The following SYCP1 variants were observed in gnomAD, a reference collection of about 807,000 sequenced individuals.
The protein encoded by SYCP1 is synaptonemal complex protein 1.
SYCP1 carries 64 observed loss-of-function variants against 153.1 expected under a neutral mutation model. The observed-to-expected ratio is 0.42, with a 90% CI of 0.34 to 0.51. The LOEUF (loss-of-function observed/expected upper bound fraction) is 0.51, where lower values mean the gene tolerates loss of function less well. Among genes scored for constraint, SYCP1 ranks in the 20% least tolerant of loss-of-function variants. SYCP1 has a pLI of 0.06. For synonymous variants in SYCP1, 384 were observed against 341.8 expected, an observed-to-expected ratio of 1.12 and a Z score of -1.36; for missense variants, 997 against 1,049.0, an observed-to-expected ratio of 0.95 and a Z score of 0.68.
At chr1:114,869,175 C>T (rs955403643) in intron 8 of SYCP1, among the ~76,000 whole-genome samples, 1 of 152,098 alleles carries the variant, frequency 6.6e-6, no homozygotes, top group Non-Finnish European at 1.5e-5. Flanking sequence ...GCATTCAATG[C>T]TATAAATTTC....
At chr1:114,908,264 G>A (rs1265854334) in intron 16 of SYCP1, among the ~76,000 whole-genome samples, 1 of 148,466 alleles carries the variant, frequency 6.7e-6, no homozygotes, top group Non-Finnish European at 1.5e-5. Flanking sequence ...TATTGTCTTT[G>A]ATCCTCCATG....
chr1:114,924,553 T>G (rs1159821277), intron 21 of SYCP1, among the ~76,000 whole-genome samples: 1 of 152,172 alleles, frequency 6.6e-6, no homozygotes, highest in Non-Finnish European at 1.5e-5. Flanking sequence ...AGCCTTAGAT[T>G]AATAGGGATT....
chr1:114,932,880 G>C (rs1669733034), intron 23 of SYCP1, among the ~76,000 whole-genome samples: 1 of 152,204 alleles, frequency 6.6e-6, no homozygotes, highest in South Asian at 2.1e-4. Flanking sequence ...GTTGAGGCTT[G>C]AGTGGGTAAA....
intron 23 of SYCP1, among the ~76,000 whole-genome samples, chr1:114,931,433 T>C (rs528126484): frequency 6.6e-6 from 1 of 152,244 alleles, no homozygotes; most frequent in South Asian, 2.1e-4. Context: ...TATTTCTATA[T>C]GCTAACAGCT....
chr1:114,925,560 A>G (rs1208892541), intron 21 of SYCP1, among the ~76,000 whole-genome samples: 1 of 152,056 alleles, frequency 6.6e-6, no homozygotes, highest in East Asian at 1.9e-4. Flanking sequence ...TTCTTCCCCC[A>G]ATCTGCTACC....
chr1:114,867,595 G>C (rs1664849671), intron 8 of SYCP1, among the ~76,000 whole-genome samples: 1 of 151,996 alleles, frequency 6.6e-6, no homozygotes, highest in Admixed American at 6.6e-5. Context: ...CGTTTGTATA[G>C]TATATTAATC....
At chr1:114,877,103 G>C (rs1665595874) in intron 11 of SYCP1, among the ~76,000 whole-genome samples, 1 of 152,024 alleles carries the variant, frequency 6.6e-6, no homozygotes, top group African/African-American at 2.4e-5. Context: ...CTTTTGTTCA[G>C]ACAAAAACTT....
Position 114,926,663 on chromosome 1 carries a change from C to T in SYCP1, c.1926+100C>T. On this transcript the variant is annotated intron_variant, in intron 23 of 31. Coordinates refer to ENST00000369522, the MANE Select transcript of SYCP1 (RefSeq NM_003176.4). ...TTATACAGTATAAATTCAATTTATA[C>T]CATAACAGTATCAATTGAAAAGTTG... The T allele has an allele frequency of 5.0e-6, 5 of 990,200 alleles. No individual in the cohort carries two copies. The South Asian group carries it at 9.7e-5, about 19-fold the overall frequency. 61.3% of individuals were successfully genotyped at this position (990,200 alleles called of 1,614,324 possible).
At chr1:114,869,594 A>T (rs1664979037) in intron 8 of SYCP1, among the ~76,000 whole-genome samples, 1 of 152,208 alleles carries the variant, frequency 6.6e-6, no homozygotes. Context: ...TAATCCAAAA[A>T]TCCCAAATCT....
In SYCP1 at chr1:114,907,639, T is replaced by A. The variant is rs145979045; in HGVS notation, c.1321-2758T>A. ...CTCTGTTGCCCAGGCTGGAGTGCAG[T>A]GGCATGATCTCCGCTCACTGCAAGC... On this transcript the variant is annotated intron_variant, in intron 16 of 31. Transcript: ENST00000369522. 6.6e-5 allele frequency among the ~76,000 whole-genome samples: 10 copies of A among 151,506 alleles called. No individual in the cohort carries two copies. The East Asian group carries it at 1.7e-3, about 26-fold the overall frequency.
At position 114,934,143 on chromosome 1, in the gene SYCP1, G is replaced by A. The variant is rs148021093; in HGVS notation, c.1926+7580G>A. Reference sequence around the variant, plus strand: ...CCAAAGTTGAAATGAAGGAAAAAATGTTAAGGGCAGCCAGAGAGAAAGGTC... The same window carrying A: ...CCAAAGTTGAAATGAAGGAAAAAATATTAAGGGCAGCCAGAGAGAAAGGTC... On this transcript the variant is annotated intron_variant, in intron 23 of 31. Transcript: ENST00000369522. Among the ~76,000 whole-genome samples the A allele has an allele frequency of 6.6e-3, 1,004 of 152,274 alleles. 15 individuals are homozygous for A. Among genetic ancestry groups the A allele is most frequent in the African/African-American group, 0.023 (940 of 41,552 alleles).
chr1:114,881,149 G>A (rs1332740735), intron 12 of SYCP1, among the ~76,000 whole-genome samples: 1 of 151,276 alleles, frequency 6.6e-6, no homozygotes, highest in South Asian at 2.1e-4. Flanking sequence ...TATTGCTATT[G>A]TGAATAGTGC....
chr1:114,950,078 A>G (rs72695824), intron 27 of SYCP1, among the ~76,000 whole-genome samples: 3,572 of 152,264 alleles, frequency 0.023, 57 homozygotes, highest in South Asian at 0.035. Context: ...AGGAAGAATT[A>G]TGTATTTCCA....
chr1:114,969,067 G>A (rs1015998016), intron 27 of SYCP1, among the ~76,000 whole-genome samples: 1 of 152,152 alleles, frequency 6.6e-6, no homozygotes, highest in African/African-American at 2.4e-5. Flanking sequence ...ATCCCAGAGG[G>A]GCACTCGCCA....
chr1:114,881,204 C>T (rs374436566), intron 12 of SYCP1, among the ~76,000 whole-genome samples: 3 of 152,074 alleles, frequency 2.0e-5, no homozygotes, highest in Non-Finnish European at 1.5e-5. Flanking sequence ...ATTATTATTA[C>T]TGTTTTGTAC....
chr1:114,935,693 T>C (rs1010200827), intron 23 of SYCP1, among the ~76,000 whole-genome samples: 1 of 152,060 alleles, frequency 6.6e-6, no homozygotes, highest in Admixed American at 6.5e-5. Flanking sequence ...AAGAATCAAA[T>C]AGATGCAATA....
chr1:114,861,724 G>A (rs1191460567), intron 8 of SYCP1, among the ~76,000 whole-genome samples: 4 of 151,454 alleles, frequency 2.6e-5, no homozygotes, highest in African/African-American at 9.7e-5. Flanking sequence ...ACAATGCAAA[G>A]TGCTCAATAA....
chr1:114,896,174 A>C (rs1033758357), intron 16 of SYCP1, among the ~76,000 whole-genome samples: 1 of 152,184 alleles, frequency 6.6e-6, no homozygotes, highest in East Asian at 1.9e-4. Flanking sequence ...CTGATGTAGA[A>C]TATAATATTG....
intron 27 of SYCP1, among the ~76,000 whole-genome samples, chr1:114,947,811 C>CCAAAAAAA (rs1413794208): frequency 2.3e-5 from 1 of 43,876 alleles, no homozygotes; most frequent in Non-Finnish European, 3.7e-5. Context: ...GACTCCGTCT[C>CCAAAAAAA]AAAAAAAAAA....
Sources: gnomAD v4.1 joint callset for allele counts (sites outside exome capture counted in the v4.1 genomes callset) on GRCh38, gnomAD v4.1.1 for gene constraint, MANE v1.5 for transcripts, NCBI Gene and HGNC (gene_info 2026-07-23, HGNC 2026-07-21) for gene names.